Variants in FARP2 observed in about 807,000 individuals in gnomAD.
FARP2 encodes the protein FERM, ARHGEF and pleckstrin domain-containing protein 2.
Under a neutral mutation model 130.5 loss-of-function variants are expected in FARP2, and 111 were observed. That is an observed-to-expected ratio of 0.85 (90% CI 0.73 to 1.00). FARP2 has a LOEUF of 1.00. FARP2 is among the 50% of genes least tolerant of loss of function. The pLI, the probability that FARP2 is intolerant of heterozygous loss-of-function variation, is 0.00. For missense variants in FARP2, 1,385 were observed against 1,346.3 expected (o/e 1.03, Z -0.45); for synonymous variants, 504 against 516.9 (o/e 0.98, Z 0.34).
At chr2:241,451,660 A>G (rs140340851) in intron 13 of FARP2, among the ~76,000 whole-genome samples, 3,062 of 152,342 alleles carry the variant, frequency 0.02, 56 homozygotes, top group Non-Finnish European at 0.03. Flanking sequence ...TATTTTTTAC[A>G]GATACCTAAG....
At chr2:241,419,331 T>C (rs1269443337) in intron 8 of FARP2, among the ~76,000 whole-genome samples, 3 of 152,042 alleles carry the variant, frequency 2.0e-5, no homozygotes, top group African/African-American at 7.3e-5. Context: ...TGCTGATGAG[T>C]GTTCCCCCAT....
In FARP2 at chr2:241,404,713, T is replaced by C. The variant is rs7600289; in HGVS notation, c.289-86T>C. The C allele has an allele frequency of 8.7e-3, 8,970 of 1,033,748 alleles. 457 individuals are homozygous for C. The African/African-American group carries it at 0.12, about 14-fold the overall frequency. 64.0% of individuals were successfully genotyped at this position (1,033,748 alleles called of 1,614,324 possible). Reference sequence around the variant, plus strand: ...TTTCCTGACATAAAAATTTATCTTATTATAACCATTTTTGTTTTTATAGCA... The same window carrying C: ...TTTCCTGACATAAAAATTTATCTTACTATAACCATTTTTGTTTTTATAGCA... On this transcript the variant is annotated intron_variant, in intron 3 of 26. Transcript: ENST00000264042.
intron 1 of FARP2, among the ~76,000 whole-genome samples, chr2:241,366,287 T>C (rs1289208266): frequency 6.6e-6 from 1 of 151,568 alleles, no homozygotes; most frequent in Non-Finnish European, 1.5e-5. Flanking sequence ...ATTGGATGGC[T>C]TCATACCATC....
chr2:241,428,464 G>A (rs2150391425), intron 8 of FARP2, among the ~76,000 whole-genome samples: 1 of 151,752 alleles, frequency 6.6e-6, no homozygotes, highest in South Asian at 2.1e-4. Context: ...CCAAAGTGCT[G>A]GGATCACAGG....
At chr2:241,407,061 G>A (rs1414213586) in intron 4 of FARP2, among the ~76,000 whole-genome samples, 1 of 152,170 alleles carries the variant, frequency 6.6e-6, no homozygotes, top group African/African-American at 2.4e-5. Flanking sequence ...GCCCCCCTCA[G>A]CCTCCCAAAG....
intron 18 of FARP2, among the ~76,000 whole-genome samples, chr2:241,473,775 G>A (rs2064378049): frequency 6.6e-6 from 1 of 152,236 alleles, no homozygotes. Context: ...GGGAGAGCCA[G>A]GGGATGGGGG....
At chr2:241,411,717 G>T (rs1281276066) in intron 6 of FARP2, among the ~76,000 whole-genome samples, 1 of 152,222 alleles carries the variant, frequency 6.6e-6, no homozygotes, top group Non-Finnish European at 1.5e-5. Flanking sequence ...TGGACTAGAG[G>T]TGGGACCACA....
chr2:241,406,477 C>T (rs929004809), intron 4 of FARP2, among the ~76,000 whole-genome samples: 4 of 151,932 alleles, frequency 2.6e-5, no homozygotes, highest in South Asian at 2.1e-4. Flanking sequence ...TGGGCAATCT[C>T]GTTCTGTCAC....
At chr2:241,394,409 T>G (rs186928508) in intron 2 of FARP2, among the ~76,000 whole-genome samples, 4 of 151,648 alleles carry the variant, frequency 2.6e-5, no homozygotes, top group African/African-American at 7.3e-5. Flanking sequence ...TCCCAGCTAC[T>G]CAGGAGGCTG....
chr2:241,435,687 A>G (rs1325817403), intron 11 of FARP2, among the ~76,000 whole-genome samples: 1 of 150,414 alleles, frequency 6.6e-6, no homozygotes, highest in Non-Finnish European at 1.5e-5. Context: ...AATCTTTTGT[A>G]TTTTTAGTAG....
In FARP2 at chr2:241,494,075, C is replaced by T; in HGVS notation, c.3115C>T (p.Pro1039Ser). The change falls in exon 27 of 27, where the codon CCC (proline) becomes TCC (serine). Residue 1039 changes from proline to serine, a missense_variant. Pro to Ser is a moderately conservative substitution (Grantham distance 74). Transcript: ENST00000264042. The surrounding 1 kb of genome is among the most constrained non-coding windows in gnomAD (Gnocchi z 4.9). ...GGCCCCAAGCATCGTGCAGGATGGC[C>T]CCCAACCCTCCTCAGGGCTGGAGGG... is the stretch of plus-strand genomic sequence containing the variant. ...GRAPSIVQDG[P>S]QPSSGLEGMV... 6.9e-7 allele frequency: 1 copy of T among 1,447,664 alleles called. No homozygotes were observed. Among genetic ancestry groups the T allele is most frequent in the Non-Finnish European group, 9.1e-7 (1 of 1,104,190 alleles). The allele number at this position is 1,447,664 out of a possible 1,614,324, so 89.7% of individuals were successfully genotyped here.
chr2:241,488,486 G>A (rs1258551924), intron 21 of FARP2: 4 of 146,880 alleles, frequency 2.7e-5, no homozygotes, highest in Admixed American at 2.1e-4. Context: ...GCACGATCTC[G>A]GCTCACTGCA....
intron 8 of FARP2, among the ~76,000 whole-genome samples, chr2:241,426,442 A>G (rs2062941013): frequency 6.6e-6 from 1 of 152,244 alleles, no homozygotes; most frequent in Non-Finnish European, 1.5e-5. Flanking sequence ...AAATTTACCA[A>G]CAATTAGGAG....
Position 241,436,918 on chromosome 2 carries a change from T to C in FARP2, c.1158+380T>C, listed in dbSNP as rs143909030. ...GAAGAATGTCTTGAGCCCAGGAAGT[T>C]GGGGCTACAGTGAGCCAAGATAGTG... On this transcript the variant is annotated intron_variant, in intron 12 of 26. Coordinates refer to ENST00000264042, the MANE Select transcript of FARP2 (RefSeq NM_014808.4). 5.4e-3 allele frequency among the ~76,000 whole-genome samples: 827 copies of C among 152,248 alleles called. 14 individuals are homozygous for C. The highest frequency in any genetic ancestry group is 0.019 in the African/African-American group (774 of 41,540).
At chr2:241,425,246 C>T (rs1364388309) in intron 8 of FARP2, among the ~76,000 whole-genome samples, 1 of 152,066 alleles carries the variant, frequency 6.6e-6, no homozygotes, top group Non-Finnish European at 1.5e-5. Flanking sequence ...AAAATCTAGG[C>T]AATGCCATTC....
intron 13 of FARP2, chr2:241,441,861 GT>G: frequency 2.1e-6 from 1 of 474,524 alleles, no homozygotes; most frequent in Non-Finnish European, 3.9e-6. Flanking sequence ...GCTCTGAGGC[GT>G]TTTCTTTTCC....
chr2:241,494,378 C>G lies in FARP2; in HGVS notation c.*253C>G, dbSNP rs948586382. 1 of 302,522 alleles carries G rather than the reference C, an allele frequency of 3.3e-6. No individual in the cohort carries two copies. The highest frequency in any genetic ancestry group is 5.2e-5 in the East Asian group (1 of 19,066). The allele number at this position is 302,522 out of a possible 1,614,324, so 18.7% of individuals were successfully genotyped here. On this transcript the variant is annotated 3_prime_UTR_variant, in exon 27 of 27. Coordinates refer to ENST00000264042, the MANE Select transcript of FARP2 (RefSeq NM_014808.4). The surrounding 1 kb of genome is among the most constrained non-coding windows in gnomAD (Gnocchi z 4.9). ...AGTCTTGAGCGCGGAGCCGCTCAAG[C>G]CACAGCTCCCAGGCCCCTGGCTCAA...
intron 2 of FARP2, among the ~76,000 whole-genome samples, chr2:241,390,111 A>G (rs529381849): frequency 6.6e-6 from 1 of 152,314 alleles, no homozygotes; most frequent in African/African-American, 2.4e-5. Flanking sequence ...AAGTGTTCTT[A>G]GGGCTTCTGC....
Position 241,457,128 on chromosome 2 carries a change from G to T in FARP2, c.1587+206G>T, listed in dbSNP as rs1314818243. 2.6e-5 allele frequency among the ~76,000 whole-genome samples: 4 copies of T among 152,294 alleles called. No individual in the cohort carries two copies. The East Asian group carries it at 7.7e-4, about 29-fold the overall frequency. On this transcript the variant is annotated intron_variant, in intron 14 of 26. Transcript: ENST00000264042. ...TTCCTGAGACTTTCCTCTTATCTCT[G>T]GGACTCCAGGTTCCTTCGTACAAAA... is the stretch of plus-strand genomic sequence containing the variant.
Sources: allele counts gnomAD v4.1 joint callset (sites outside exome capture counted in the v4.1 genomes callset), GRCh38; gene constraint gnomAD v4.1.1; non-coding constraint Gnocchi (gnomAD v3.1); transcripts MANE v1.5; gene names NCBI Gene and HGNC (gene_info 2026-07-23, HGNC 2026-07-21).